EPM2A: variants seen among roughly 807,000 people sequenced by gnomAD.
The protein encoded by EPM2A is laforin.
A neutral mutation model predicts 26.5 loss-of-function variants in EPM2A; 21 were observed. That is an observed-to-expected ratio of 0.79 (90% CI 0.56 to 1.14). EPM2A has a LOEUF of 1.14. EPM2A is among the 50% of genes most tolerant of loss of function. EPM2A has a pLI of 0.00. For missense variants in EPM2A, 458 were observed against 440.8 expected, an observed-to-expected ratio of 1.04 and a Z score of -0.35; for synonymous variants, 217 against 177.6, an observed-to-expected ratio of 1.22 and a Z score of -1.76.
At chr6:145,630,338 C>G (rs969335976) in intron 3 of EPM2A, 1 of 152,264 alleles carries the variant, frequency 6.6e-6, no homozygotes, top group African/African-American at 2.4e-5. Context: ...AGAGGCCAAG[C>G]GCGGTGGCTC....
chr6:145,517,557 A>C (rs558191604), intron 2 of EPM2A, among the ~76,000 whole-genome samples: 1 of 152,336 alleles, frequency 6.6e-6, no homozygotes, highest in South Asian at 2.1e-4. Context: ...CACAGGCAGA[A>C]GAGCTTCGAA....
At chr6:145,544,603 G>T (rs369835012) in intron 2 of EPM2A, among the ~76,000 whole-genome samples, 16 of 151,428 alleles carry the variant, frequency 1.1e-4, no homozygotes, top group African/African-American at 2.7e-4. Flanking sequence ...TTATAAATTG[G>T]TTTTTTTTTC....
At chr6:145,717,419 C>T (rs978956290) in intron 1 of EPM2A, among the ~76,000 whole-genome samples, 12 of 152,022 alleles carry the variant, frequency 7.9e-5, no homozygotes, top group Admixed American at 3.3e-4. Context: ...ATTCAACAAC[C>T]CTTCATGCTA....
intron 4 of EPM2A, among the ~76,000 whole-genome samples, chr6:145,480,581 G>C: frequency 6.6e-6 from 1 of 152,024 alleles, no homozygotes; most frequent in Non-Finnish European, 1.5e-5. Context: ...TCTTCACAAT[G>C]TCCTGTGATG....
Position 145,635,455 on chromosome 6 carries a change from G to A in EPM2A, c.508C>T (p.Pro170Ser), listed in dbSNP as rs1776588103. Residue 170 changes from proline (P) to serine (S), a missense_variant, in exon 3 of 4, where the codon CCT becomes TCT. Transcript: ENST00000367519. The part of the protein sequence containing the change: ...ILPNIWLGSC[P>S]RQVEHVTIKL... ...ATGGTTACATGTTCCACCTGACGAGGGCAGCTACCCAGCCAGATATTTGGT... is the reference window on the plus strand; with the variant it reads ...ATGGTTACATGTTCCACCTGACGAGAGCAGCTACCCAGCCAGATATTTGGT... 1 of 1,613,706 alleles carries A rather than the reference G, an allele frequency of 6.2e-7. No homozygotes were observed. The highest frequency in any genetic ancestry group is 1.3e-5 in the African/African-American group (1 of 74,846).
intron 2 of EPM2A, among the ~76,000 whole-genome samples, chr6:145,587,542 T>C (rs1174167670): frequency 6.6e-6 from 1 of 152,192 alleles, no homozygotes; most frequent in Non-Finnish European, 1.5e-5. Context: ...CTGTGATCCA[T>C]TAGTAAACAG....
At chr6:145,591,233 A>G (rs1252052103) in intron 2 of EPM2A, among the ~76,000 whole-genome samples, 1 of 152,156 alleles carries the variant, frequency 6.6e-6, no homozygotes, top group Non-Finnish European at 1.5e-5. Flanking sequence ...TAACATAGAC[A>G]TATTTGGAAT....
intron 4 of EPM2A, among the ~76,000 whole-genome samples, chr6:145,402,521 T>G (rs1778504177): frequency 1.3e-5 from 2 of 152,138 alleles, no homozygotes; most frequent in South Asian, 4.1e-4. Context: ...GTAGCTTAGA[T>G]AGTGATGTAG....
chr6:145,603,707 T>A (rs1781446533), intron 2 of EPM2A, among the ~76,000 whole-genome samples: 1 of 152,222 alleles, frequency 6.6e-6, no homozygotes, highest in Non-Finnish European at 1.5e-5. Flanking sequence ...GCACACTCTA[T>A]TAGATTATAA....
chr6:145,716,458 G>A (rs1166421605), intron 1 of EPM2A, among the ~76,000 whole-genome samples: 1 of 152,156 alleles, frequency 6.6e-6, no homozygotes, highest in East Asian at 1.9e-4. Context: ...AAAGTTGTCT[G>A]ATGTTTTATG....
intron 1 of EPM2A, among the ~76,000 whole-genome samples, chr6:145,699,945 A>G (rs1781820400): frequency 6.6e-6 from 1 of 152,206 alleles, no homozygotes; most frequent in African/African-American, 2.4e-5. Context: ...TTTAAAATTA[A>G]ACACAATAAC....
rs1780318830 is a variant in EPM2A, at chr6:145,529,111, T to A, written c.341-26536A>T. Among the ~76,000 whole-genome samples the A allele has an allele frequency of 2.1e-5, 3 of 143,244 alleles. No individual in the cohort carries two copies. The South Asian group carries it at 7.3e-4, about 35-fold the overall frequency. The allele number at this position is 143,244 out of a possible 152,430, so 94.0% of individuals were successfully genotyped here. On this transcript the variant is annotated intron_variant, in intron 2 of 3. Coordinates refer to the EPM2A transcript ENST00000450221. The stretch of plus-strand genomic sequence containing the variant: ...CTTCAGCAAATGAGGAGTTGCTTTT[T>A]ATGGATAAGCAAAAAAAGTAGTTTC...
At chr6:145,730,293 G>A (rs1389957534) in intron 1 of EPM2A, among the ~76,000 whole-genome samples, 1 of 152,194 alleles carries the variant, frequency 6.6e-6, no homozygotes, top group African/African-American at 2.4e-5. Flanking sequence ...AAAACAAAGT[G>A]GGAGTGTGGA....
intron 4 of EPM2A, among the ~76,000 whole-genome samples, chr6:145,473,652 C>T (rs1022003218): frequency 4.6e-5 from 7 of 151,936 alleles, no homozygotes; most frequent in African/African-American, 1.7e-4. Context: ...TTAAAGAATT[C>T]TAAAAGCAAA....
At chr6:145,664,826 G>T (rs1432377515) in intron 2 of EPM2A, among the ~76,000 whole-genome samples, 2 of 151,968 alleles carry the variant, frequency 1.3e-5, no homozygotes, top group Non-Finnish European at 2.9e-5. Flanking sequence ...TCAGACCACA[G>T]TGCAATCAAA....
chr6:145,657,388 C>T (rs1219863538), intron 2 of EPM2A, among the ~76,000 whole-genome samples: 1 of 152,136 alleles, frequency 6.6e-6, no homozygotes, highest in African/African-American at 2.4e-5. Context: ...TGCACCCAGC[C>T]TTTTCCTATT....
In EPM2A at chr6:145,699,197, T is replaced by C. The variant is rs1053217105; in HGVS notation, c.302-12901A>G. 3.9e-5 allele frequency among the ~76,000 whole-genome samples: 6 copies of C among 152,202 alleles called. No individual in the cohort carries two copies. The South Asian group carries it at 8.3e-4, about 21-fold the overall frequency. ...TTTAAAACATGATTCCCACAATAAA[T>C]GAACTTCTGTTGATTAGATAAAAGT... On this transcript the variant is annotated intron_variant, in intron 1 of 3. Transcript: ENST00000367519.
At position 145,709,988 on chromosome 6, in the gene EPM2A, C is replaced by T. The variant is rs987725692; in HGVS notation, c.302-23692G>A. On this transcript the variant is annotated intron_variant, in intron 1 of 3. Coordinates refer to ENST00000367519, the MANE Select transcript of EPM2A (RefSeq NM_005670.4). The stretch of plus-strand genomic sequence containing the variant: ...AATTCAAGATGGATTAAAAACTTAA[C>T]TGTTAGACCTAAAACCATAAAAACC... 2.0e-5 allele frequency among the ~76,000 whole-genome samples: 3 copies of T among 152,136 alleles called. No individual in the cohort carries two copies. In the East Asian group the frequency reaches 5.8e-4, roughly 29 times the overall value.
chr6:145,731,395 C>T (rs920109517), intron 1 of EPM2A, among the ~76,000 whole-genome samples: 1 of 152,076 alleles, frequency 6.6e-6, no homozygotes, highest in East Asian at 1.9e-4. Flanking sequence ...GGAGAAAAAT[C>T]AATAGAATAA....
Sources: allele counts gnomAD v4.1 joint callset (sites outside exome capture counted in the v4.1 genomes callset), GRCh38; gene constraint gnomAD v4.1.1; transcripts MANE v1.5; gene names NCBI Gene and HGNC (gene_info 2026-07-23, HGNC 2026-07-21).